MAP4K3: variants seen among roughly 807,000 people sequenced by gnomAD.
MAP4K3 encodes the protein MAPK/ERK kinase kinase kinase 3.
MAP4K3 carries 94 observed loss-of-function variants against 143.5 expected under a neutral mutation model. That is an observed-to-expected ratio of 0.65 (90% confidence interval 0.55 to 0.78). MAP4K3 has a LOEUF of 0.78. MAP4K3 is among the 30% of genes least tolerant of loss of function. The pLI is 0.00. For missense variants in MAP4K3, 1,077 were observed against 1,068.1 expected (o/e 1.01, Z -0.12); for synonymous variants, 416 against 347.2 (o/e 1.20, Z -2.20).
rs750613403 is a variant in MAP4K3, at chr2:39,288,210, C to A, written c.1385G>T (p.Cys462Phe). The change falls in exon 20 of 34, where the codon TGT becomes TTT. Residue 462 changes from cysteine (C) to phenylalanine (F), a missense_variant. Physicochemically the swap from Cys to Phe is radical, Grantham distance 205. This residue lies in a region of MAP4K3 where 864 missense variants were observed against 801.2 expected (regional missense o/e 1.08). Transcript: ENST00000263881. ...EDENQGTIKRCPMSGSPAKPS... is the reference protein window; with the variant it reads ...EDENQGTIKRFPMSGSPAKPS... ...CTTTGCTGGGCTCCCTGACATGGGACATCTCTTGATTGTTCCTTGATTTTC... is the reference window on the plus strand; with the variant it reads ...CTTTGCTGGGCTCCCTGACATGGGAAATCTCTTGATTGTTCCTTGATTTTC... 6.2e-7 allele frequency: 1 copy of A among 1,614,044 alleles called. No homozygotes were observed. The highest frequency in any genetic ancestry group is 8.5e-7 in the Non-Finnish European group (1 of 1,179,946).
chr2:39,424,435 T>A (rs936554664), intron 1 of MAP4K3, among the ~76,000 whole-genome samples: 2 of 151,924 alleles, frequency 1.3e-5, no homozygotes, highest in Non-Finnish European at 2.9e-5. Context: ...AGGTGAACAG[T>A]CGTGGGCCCA....
Position 39,369,567 on chromosome 2 carries a change from C to A in MAP4K3, c.154+8499G>T, listed in dbSNP as rs184826040. On this transcript the variant is annotated intron_variant, in intron 2 of 33. Coordinates refer to ENST00000263881, the MANE Select transcript of MAP4K3 (RefSeq NM_003618.4). Reference sequence around the variant, plus strand: ...AATCAAACTACTACTTCCAAACAGGCCTAGTACTTTCATACTACCTTTGCT... The same window carrying A: ...AATCAAACTACTACTTCCAAACAGGACTAGTACTTTCATACTACCTTTGCT... 1.3e-5 allele frequency among the ~76,000 whole-genome samples: 2 copies of A among 152,300 alleles called. 1 individual carries two copies. Among genetic ancestry groups the A allele is most frequent in the Admixed American group, 1.3e-4 (2 of 15,306 alleles).
intron 12 of MAP4K3, among the ~76,000 whole-genome samples, chr2:39,322,592 A>ATGAGTGTG (rs1683344192): frequency 6.9e-6 from 1 of 144,720 alleles, no homozygotes; most frequent in Non-Finnish European, 1.5e-5. Flanking sequence ...GATGTGGTAT[A>ATGAGTGTG]TGTGTGTGTG....
At chr2:39,346,439 T>C (rs754337934) in intron 3 of MAP4K3, among the ~76,000 whole-genome samples, 1 of 152,162 alleles carries the variant, frequency 6.6e-6, no homozygotes, top group Admixed American at 6.5e-5. Context: ...AAAATAGTAG[T>C]TTTGATTCAT....
At chr2:39,417,409 C>T (rs1444357163) in intron 1 of MAP4K3, among the ~76,000 whole-genome samples, 2 of 152,022 alleles carry the variant, frequency 1.3e-5, no homozygotes, top group South Asian at 2.1e-4. Flanking sequence ...TTAGTAGAGA[C>T]GTGGTTTCAC....
intron 20 of MAP4K3, 104 bp downstream of exon 20, chr2:39,288,017 G>C (rs1681872850): frequency 7.2e-7 from 1 of 1,395,900 alleles, no homozygotes; most frequent in Admixed American, 1.9e-5. Context: ...CTTTCCTTCT[G>C]TCCTCCACCA....
Position 39,307,954 on chromosome 2 carries a change from T to C in MAP4K3, c.1108A>G (p.Arg370Gly). Residue 370 changes from arginine to glycine, a missense_variant, in exon 15 of 34, where the codon AGA becomes GGA. By Grantham distance (125) the Arg-to-Gly change is moderately radical. Coordinates refer to ENST00000263881, the MANE Select transcript of MAP4K3 (RefSeq NM_003618.4). ...DSSEEIYYTA[R>G]SNLDLQLEYG... ...AAGATGAGAAATACCAGATTAGATC[T>C]TGCAGTGTAGTATATTTCTTCTGAA... 1 of 1,581,948 alleles carries C rather than the reference T, an allele frequency of 6.3e-7. No individual in the cohort carries two copies. Among genetic ancestry groups the C allele is most frequent in the Non-Finnish European group, 8.6e-7 (1 of 1,164,834 alleles).
chr2:39,278,598 T>A, intron 23 of MAP4K3, 112 bp from the exon 24 acceptor site: 1 of 607,690 alleles, frequency 1.6e-6, no homozygotes, highest in Middle Eastern at 4.5e-4. Context: ...CAAGAATTAC[T>A]ATGATTTATA....
At chr2:39,269,268 A>T (rs933084616) in intron 26 of MAP4K3, among the ~76,000 whole-genome samples, 1 of 151,968 alleles carries the variant, frequency 6.6e-6, no homozygotes, top group Non-Finnish European at 1.5e-5. Flanking sequence ...ATATAATATT[A>T]AAAAATATAA....
intron 15 of MAP4K3, among the ~76,000 whole-genome samples, chr2:39,303,335 G>A (rs2148492360): frequency 6.6e-6 from 1 of 152,252 alleles, no homozygotes; most frequent in South Asian, 2.1e-4. Flanking sequence ...AGAAAAGCAA[G>A]TAGAGTCAGA....
rs1373984683 is a variant in MAP4K3 at position 39,307,957 on chromosome 2, C to T, written c.1105G>A (p.Ala369Thr). ...ATGAGAAATACCAGATTAGATCTTG[C>T]AGTGTAGTATATTTCTTCTGAACTG... Reference protein sequence around the residue: ...LDSSEEIYYTARSNLDLQLEY... With the variant: ...LDSSEEIYYTTRSNLDLQLEY... The change falls in exon 15 of 34, where the codon GCA becomes ACA. Residue 369 changes from alanine to threonine, a missense_variant. Coordinates refer to ENST00000263881, the MANE Select transcript of MAP4K3 (RefSeq NM_003618.4). 6.3e-7 allele frequency: 1 copy of T among 1,580,422 alleles called. No homozygotes were observed.
chr2:39,434,671 T>C (rs1376615216), intron 1 of MAP4K3, among the ~76,000 whole-genome samples: 1 of 152,244 alleles, frequency 6.6e-6, no homozygotes, highest in Non-Finnish European at 1.5e-5. Flanking sequence ...TGGTTAAGAA[T>C]ACAGTCCCTA....
At chr2:39,307,842 C>G in intron 15 of MAP4K3, 101 bp downstream of exon 15, 1 of 891,702 alleles carries the variant, frequency 1.1e-6, no homozygotes, top group South Asian at 2.7e-5. Flanking sequence ...ATGATAGCAA[C>G]TTATAAAACA....
chr2:39,309,343 C>T (rs1682854994), intron 14 of MAP4K3, 118 bp downstream of exon 14: 5 of 703,804 alleles, frequency 7.1e-6, no homozygotes, highest in African/African-American at 5.6e-5. Flanking sequence ...CAGGCTGGGA[C>T]CTCGAATGTT....
intron 1 of MAP4K3, among the ~76,000 whole-genome samples, chr2:39,409,947 G>T (rs540274193): frequency 6.6e-6 from 1 of 152,094 alleles, no homozygotes; most frequent in South Asian, 2.1e-4. Context: ...TTCCAATGAT[G>T]GAATGAAAAT....
intron 1 of MAP4K3, among the ~76,000 whole-genome samples, chr2:39,400,128 C>T (rs766453546): frequency 6.6e-6 from 1 of 152,140 alleles, no homozygotes. Flanking sequence ...CCCAACATCT[C>T]GCAACTGCCC....
intron 16 of MAP4K3, among the ~76,000 whole-genome samples, chr2:39,297,640 C>A (rs1451698087): frequency 6.6e-6 from 1 of 152,172 alleles, no homozygotes; most frequent in Non-Finnish European, 1.5e-5. Context: ...AATCTGTCTG[C>A]CTGATCACCT....
chr2:39,250,775 C>G, intron 33 of MAP4K3, 70 bp from the exon 34 acceptor site: 1 of 1,244,716 alleles, frequency 8.0e-7, no homozygotes, highest in Non-Finnish European at 1.2e-6. Flanking sequence ...CCCAAATTTT[C>G]CATTGCTTCT....
chr2:39,391,877 A>G (rs1249317377), intron 1 of MAP4K3, among the ~76,000 whole-genome samples: 2 of 152,070 alleles, frequency 1.3e-5, no homozygotes, highest in African/African-American at 4.8e-5. Context: ...TCTCCTGGAC[A>G]TCACTGATTA....
Sources: gnomAD v4.1 joint callset for allele counts (sites outside exome capture counted in the v4.1 genomes callset) on GRCh38, gnomAD v4.1.1 for gene constraint, gnomAD v4.1.1 regional missense constraint, MANE v1.5 for transcripts, NCBI Gene and HGNC (gene_info 2026-07-23, HGNC 2026-07-21) for gene names.